PPP2R5C: variants seen among roughly 807,000 people sequenced by gnomAD.
PPP2R5C encodes protein phosphatase 2 regulatory subunit B'gamma, also known as serine/threonine-protein phosphatase 2A 56 kDa regulatory subunit gamma isoform.
Under a neutral mutation model 68.9 loss-of-function variants are expected in PPP2R5C, and 7 were observed. The observed-to-expected ratio is 0.10, with a 90% CI of 0.06 to 0.19. The LOEUF is 0.19. Ranked by LOEUF, PPP2R5C falls within the 10% of genes least tolerant of loss-of-function variation. The pLI is 1.00. For missense variants in PPP2R5C, 348 were observed against 641.3 expected (o/e 0.54, Z 4.94); for synonymous variants, 210 against 222.2 (o/e 0.95, Z 0.49).
intron 1 of PPP2R5C, among the ~76,000 whole-genome samples, chr14:101,852,609 C>T (rs913180860): frequency 6.6e-6 from 1 of 151,716 alleles, no homozygotes; most frequent in African/African-American, 2.4e-5. Flanking sequence ...GCTGGGATTA[C>T]AGGCACCTGC....
At chr14:101,854,005 G>T (rs1165606599) in intron 1 of PPP2R5C, among the ~76,000 whole-genome samples, 2 of 152,106 alleles carry the variant, frequency 1.3e-5, no homozygotes, top group Admixed American at 1.3e-4. Flanking sequence ...ACAAACAAAG[G>T]TGTAGAATTG....
At chr14:101,889,091 A>G (rs1258670259) in intron 5 of PPP2R5C, among the ~76,000 whole-genome samples, 1 of 152,260 alleles carries the variant, frequency 6.6e-6, no homozygotes, top group African/African-American at 2.4e-5. Context: ...GTTTGGGAAC[A>G]TAGAAATGTT....
intron 2 of PPP2R5C, among the ~76,000 whole-genome samples, chr14:101,868,230 C>T (rs1193982250): frequency 1.3e-5 from 2 of 152,066 alleles, no homozygotes; most frequent in African/African-American, 2.4e-5. Context: ...TCATGCATTC[C>T]CAAGTACTTT....
chr14:101,884,774 T>TC (rs1360080358), intron 5 of PPP2R5C, among the ~76,000 whole-genome samples: 9 of 152,196 alleles, frequency 5.9e-5, no homozygotes, highest in African/African-American at 2.2e-4. Context: ...TCCTGAAACA[T>TC]CCCTTCACTG....
intron 1 of PPP2R5C, among the ~76,000 whole-genome samples, chr14:101,853,684 G>A (rs1276411356): frequency 1.3e-5 from 2 of 152,160 alleles, no homozygotes; most frequent in Non-Finnish European, 2.9e-5. Flanking sequence ...CCTCGTGTCC[G>A]TATCTGCCAC....
rs553976301 is a variant in PPP2R5C, at chr14:101,891,548, G to A, written c.689+1252G>A. Reference sequence around the variant, plus strand: ...CATTTCCCTCCTAGGTTGTTGCAGGGACCGGAGCGCTGTATGACATGTGTT... The same window carrying A: ...CATTTCCCTCCTAGGTTGTTGCAGGAACCGGAGCGCTGTATGACATGTGTT... On this transcript the variant is annotated intron_variant, in intron 6 of 13. Coordinates refer to ENST00000334743, the Ensembl canonical transcript of PPP2R5C. The surrounding 1 kb of genome is among the most constrained non-coding windows in gnomAD (Gnocchi z 4.9). 2.0e-5 allele frequency among the ~76,000 whole-genome samples: 3 copies of A among 152,268 alleles called. No homozygotes were observed. In the East Asian group the frequency reaches 5.8e-4, roughly 29 times the overall value.
At chr14:101,876,430 T>A (rs1001102655) in intron 2 of PPP2R5C, among the ~76,000 whole-genome samples, 1 of 152,012 alleles carries the variant, frequency 6.6e-6, no homozygotes, top group Non-Finnish European at 1.5e-5. Context: ...TTTTTTTTAA[T>A]GTATCCCTTC....
Position 101,815,912 on chromosome 14 carries a change from C to T in PPP2R5C, c.94+5876C>T, listed in dbSNP as rs529043776. ...CTCGAACTCCTGACCTCAAGTGATC[C>T]GCCCGCCTTGGCCTCCCAAAGTACT... On this transcript the variant is annotated intron_variant, in intron 1 of 13. Coordinates refer to ENST00000334743, the Ensembl canonical transcript of PPP2R5C. 2.9e-4 allele frequency among the ~76,000 whole-genome samples: 44 copies of T among 152,312 alleles called. 1 individual carries two copies. Among genetic ancestry groups the T allele is most frequent in the East Asian group, 2.5e-3 (13 of 5,186 alleles).
intron 1 of PPP2R5C, among the ~76,000 whole-genome samples, chr14:101,852,242 A>G (rs1290737193): frequency 6.6e-6 from 1 of 151,984 alleles, no homozygotes. Context: ...CTCACCCTGC[A>G]CTCTAGATAT....
At chr14:101,925,296 C>A in exon 14 of PPP2R5C, 1 of 1,609,250 alleles carries the variant, frequency 6.2e-7, no homozygotes, top group Non-Finnish European at 8.5e-7. Flanking sequence ...GCGTCGGGGC[C>A]GGGCCCGCCA....
At chr14:101,912,682 T>A in intron 12 of PPP2R5C, 1 of 1,077,776 alleles carries the variant, frequency 9.3e-7, no homozygotes, top group South Asian at 3.1e-5. Flanking sequence ...CAGAATTGAC[T>A]TTTTTCCTCT....
chr14:101,925,568 C>T, exon 14 of PPP2R5C: 1 of 248,610 alleles, frequency 4.0e-6, no homozygotes, highest in East Asian at 8.2e-5. Flanking sequence ...AAGCACCCTG[C>T]CCTTCATCTT....
At chr14:101,844,730 CAT>C (rs1322650519) in intron 1 of PPP2R5C, among the ~76,000 whole-genome samples, 17 of 152,186 alleles carry the variant, frequency 1.1e-4, no homozygotes, top group Admixed American at 1.1e-3. Flanking sequence ...TGCTGGTAAA[CAT>C]ATTGAAGGTT....
rs1460936221 is a variant in PPP2R5C, at chr14:101,910,916, AAC to A, written c.1253+1230_1253+1231del. On this transcript the variant is annotated intron_variant, in intron 11 of 13. Coordinates refer to ENST00000334743, the Ensembl canonical transcript of PPP2R5C. The stretch of plus-strand genomic sequence containing the variant: ...TCAGGAGTTCGAGACAAGCCTGGCG[AAC>A]ACAGTGAAACCCCGTCTCTACTGAA... 3.3e-5 allele frequency among the ~76,000 whole-genome samples: 5 copies of A among 152,202 alleles called. No individual in the cohort carries two copies. The South Asian group carries it at 1.0e-3, about 32-fold the overall frequency.
chr14:101,842,550 G>A (rs994929733), intron 1 of PPP2R5C, among the ~76,000 whole-genome samples: 2 of 152,142 alleles, frequency 1.3e-5, no homozygotes, highest in Non-Finnish European at 2.9e-5. Context: ...AGGCATGAGG[G>A]TACTGTACTG....
chr14:101,807,214 G>T (rs187352252), upstream of PPP2R5C, among the ~76,000 whole-genome samples: 1 of 152,226 alleles, frequency 6.6e-6, no homozygotes, highest in East Asian at 1.9e-4. Context: ...TTAATCAGTT[G>T]TCTGCCCCAA....
At chr14:101,811,909 T>C (rs2039386381) in intron 1 of PPP2R5C, among the ~76,000 whole-genome samples, 2 of 152,138 alleles carry the variant, frequency 1.3e-5, no homozygotes, top group East Asian at 3.9e-4. Flanking sequence ...TTTGTATTTG[T>C]TGCTGTTGGT....
At chr14:101,841,691 A>G (rs772825131) in intron 1 of PPP2R5C, among the ~76,000 whole-genome samples, 3 of 152,194 alleles carry the variant, frequency 2.0e-5, no homozygotes, top group Non-Finnish European at 4.4e-5. Context: ...AAAGCCGTAG[A>G]GAGTAAGGCA....
rs2046500474 is a variant in PPP2R5C at position 101,913,543 on chromosome 14, T to TA, written c.1326+1071dup. Among the ~76,000 whole-genome samples, 1 of 152,358 alleles carries TA rather than the reference T, an allele frequency of 6.6e-6. No homozygotes were observed. The highest frequency in any genetic ancestry group is 3.4e-3 in the Middle Eastern group (1 of 294). ...AGGTAGCCAGCATTTTTCTAGCAGT[T>TA]ATTTACTCATGCTGACAGAAATGCT... On this transcript the variant is annotated intron_variant, in intron 12 of 13. Transcript: ENST00000334743. This position sits in a 1 kb window ranked among gnomAD's most constrained non-coding sequence, Gnocchi z 4.1.
Sources: gnomAD v4.1 joint callset for allele counts (sites outside exome capture counted in the v4.1 genomes callset) on GRCh38, gnomAD v4.1.1 for gene constraint, Gnocchi (gnomAD v3.1) non-coding constraint, MANE v1.5 for transcripts, NCBI Gene and HGNC (gene_info 2026-07-23, HGNC 2026-07-21) for gene names.